PGAM5: variants seen among roughly 807,000 people sequenced by gnomAD.
PGAM5 encodes PGAM family member 5, mitochondrial serine/threonine protein phosphatase, also known as serine/threonine-protein phosphatase PGAM5, mitochondrial.
PGAM5 carries 25 observed loss-of-function variants against 30.6 expected under a neutral mutation model. That is an observed-to-expected ratio of 0.82 (90% CI 0.60 to 1.14). The LOEUF (loss-of-function observed/expected upper bound fraction) is 1.14, where lower values mean the gene tolerates loss of function less well. PGAM5 is among the 50% of genes most tolerant of loss of function. PGAM5 has a pLI of 0.00. For missense variants in PGAM5, 384 were observed against 408.5 expected (o/e 0.94, Z 0.52); for synonymous variants, 201 against 179.1 (o/e 1.12, Z -0.98).
At position 132,717,791 on chromosome 12, in the gene PGAM5, A is replaced by C. The variant is rs1190562850; in HGVS notation, c.578A>C (p.Glu193Ala). The change falls in exon 4 of 6, where the codon GAA becomes GCA. Residue 193 changes from glutamate (E) to alanine (A), a missense_variant. Transcript: ENST00000498926. ...PDPPVSHWKP[E>A]AVQYYEDGAR... is the part of the protein sequence containing the mutation. Reference sequence around the variant, plus strand: ...CCGCCCGTGTCTCATTGGAAGCCGGAAGCTGTGGTAAAAACCTCCCCGGGG... The same window carrying C: ...CCGCCCGTGTCTCATTGGAAGCCGGCAGCTGTGGTAAAAACCTCCCCGGGG... 1.3e-6 allele frequency: 2 copies of C among 1,585,332 alleles called. No homozygotes were observed. The highest frequency in any genetic ancestry group is 1.7e-6 in the Non-Finnish European group (2 of 1,166,006).
At chr12:132,718,825 T>C (rs372259758) in intron 5 of PGAM5, 1 of 1,613,484 alleles carries the variant, frequency 6.2e-7, no homozygotes, top group Non-Finnish European at 8.5e-7. Flanking sequence ...TTTCACTTGC[T>C]GATCTGTGGG....
chr12:132,717,386 G>A, intron 2 of PGAM5, 53 bp from the exon 3 acceptor site: 1 of 1,576,650 alleles, frequency 6.3e-7, no homozygotes, highest in Non-Finnish European at 8.6e-7. Flanking sequence ...GGGGGTGTTT[G>A]AGGGTGGAGG....
At chr12:132,718,977 C>G (rs2043616968) in intron 5 of PGAM5, 1 of 1,473,826 alleles carries the variant, frequency 6.8e-7, no homozygotes, top group African/African-American at 1.4e-5. Context: ...CCACTCTCAG[C>G]ACCACAGAAT....
intron 5 of PGAM5, chr12:132,718,917 C>T: frequency 1.3e-6 from 2 of 1,576,454 alleles, no homozygotes; most frequent in East Asian, 2.3e-5. Context: ...CACGTTGCTG[C>T]TCGGGCTGCT....
At chr12:132,720,185 T>C (rs560234359) in intron 5 of PGAM5, among the ~76,000 whole-genome samples, 2 of 151,016 alleles carry the variant, frequency 1.3e-5, no homozygotes, top group African/African-American at 4.9e-5. Context: ...TCGGCTGATG[T>C]GTACCCCGGC....
chr12:132,713,119 C>A (rs2043538298), intron 1 of PGAM5, among the ~76,000 whole-genome samples: 1 of 152,094 alleles, frequency 6.6e-6, no homozygotes, highest in Non-Finnish European at 1.5e-5. Context: ...CAGATCGTGC[C>A]ACTGCACTCC....
intron 5 of PGAM5, among the ~76,000 whole-genome samples, chr12:132,719,988 CTG>C (rs368279193): frequency 6.8e-4 from 103 of 152,292 alleles, no homozygotes; most frequent in African/African-American, 2.1e-3. Context: ...AGAAATTAAA[CTG>C]TGTTTCCTCG....
At chr12:132,717,687 CG>C in intron 3 of PGAM5, 22 bp from the exon 4 acceptor site, 1 of 1,564,058 alleles carries the variant, frequency 6.4e-7, no homozygotes, top group Non-Finnish European at 8.7e-7. Flanking sequence ...CCTCACCCAG[CG>C]CTTCGCTGTG....
At position 132,717,490 on chromosome 12, in the gene PGAM5, A is replaced by G; in HGVS notation, c.422A>G (p.Lys141Arg). ...CTCCGCCTGGCAAGCTTGGGGTTGAAGTTTAATAAAATCGTCCATTCGTCT... is the reference window on the plus strand; with the variant it reads ...CTCCGCCTGGCAAGCTTGGGGTTGAGGTTTAATAAAATCGTCCATTCGTCT... ...TGLRLASLGLKFNKIVHSSMT... is the reference protein window; with the variant it reads ...TGLRLASLGLRFNKIVHSSMT... Residue 141 changes from lysine to arginine, a missense_variant, in exon 3 of 6, where the codon AAG (lysine) becomes AGG (arginine). By Grantham distance (26) the Lys-to-Arg change is conservative. Coordinates refer to ENST00000498926, the MANE Select transcript of PGAM5 (RefSeq NM_001170543.2). The G allele has an allele frequency of 6.2e-7, 1 of 1,610,592 alleles. No homozygotes were observed. Among genetic ancestry groups the G allele is most frequent in the Non-Finnish European group, 8.5e-7 (1 of 1,179,912 alleles).
In PGAM5 at chr12:132,717,425, C is replaced by T. The variant is rs755504234; in HGVS notation, c.371-14C>T. 1 of 1,596,078 alleles carries T rather than the reference C, an allele frequency of 6.3e-7. No homozygotes were observed. On this transcript the variant is annotated splice_polypyrimidine_tract_variant and intron_variant, in intron 2 of 5. Coordinates refer to ENST00000498926, the MANE Select transcript of PGAM5 (RefSeq NM_001170543.2). ...GGGTGCAGGTGCGGCACTCAGGTGC[C>T]TTTCACCTTCCAGGTCGGGAGCAGG...
Position 132,714,967 on chromosome 12 carries a change from T to A in PGAM5, c.301T>A (p.Phe101Ile), listed in dbSNP as rs1235295132. The change falls in exon 2 of 6, where the codon TTC becomes ATC. Residue 101 changes from phenylalanine to isoleucine, a missense_variant. Transcript: ENST00000498926. The part of the protein sequence containing the change: ...HYKAKATRHI[F>I]LIRHSQYHVD... ...CAAAGCCAAGGCCACGCGGCACATC[T>A]TCCTCATCAGGCATTCCCAGTACCA... The A allele has an allele frequency of 6.2e-7, 1 of 1,613,394 alleles. No individual in the cohort carries two copies. The highest frequency in any genetic ancestry group is 1.1e-5 in the South Asian group (1 of 91,092).
At chr12:132,719,848 G>A (rs910747198) in intron 5 of PGAM5, among the ~76,000 whole-genome samples, 8 of 152,216 alleles carry the variant, frequency 5.3e-5, no homozygotes, top group African/African-American at 1.2e-4. Flanking sequence ...GAGCTTTTCC[G>A]CAAATGCGAA....
chr12:132,722,651 A>G lies in PGAM5; in HGVS notation c.*1823A>G, dbSNP rs1009628949. 1.3e-5 allele frequency: 2 copies of G among 152,228 alleles called. No homozygotes were observed. The highest frequency in any genetic ancestry group is 4.8e-5 in the African/African-American group (2 of 41,472). The allele number at this position is 152,228 out of a possible 1,614,324, so 9.4% of individuals were successfully genotyped here. A position where few individuals can be genotyped will look rare whatever the true frequency, so the allele number is the denominator to read the frequency against. ...GTGGTTGTGACTATTTTCTGTAGTC[A>G]ATACAGTTGGGATATCTGATCTATT... On this transcript the variant is annotated 3_prime_UTR_variant, in exon 6 of 6. Transcript: ENST00000498926.
At chr12:132,711,295 C>G in intron 1 of PGAM5, 1 of 293,008 alleles carries the variant, frequency 3.4e-6, no homozygotes, top group East Asian at 5.8e-5. Flanking sequence ...GTCGCGTCCT[C>G]GCCCTTCTCC....
intron 1 of PGAM5, among the ~76,000 whole-genome samples, chr12:132,712,578 T>A (rs949953919): frequency 1.3e-5 from 2 of 152,160 alleles, no homozygotes; most frequent in African/African-American, 2.4e-5. Context: ...TGCCTCAGCC[T>A]CCCGAGTAGC....
intron 5 of PGAM5, among the ~76,000 whole-genome samples, chr12:132,720,313 G>T (rs1174576171): frequency 1.4e-5 from 2 of 139,030 alleles, no homozygotes; most frequent in Non-Finnish European, 3.1e-5. Flanking sequence ...AGCCCAGCCC[G>T]TTTTTTTTTT....
intron 1 of PGAM5, among the ~76,000 whole-genome samples, chr12:132,714,232 A>G (rs143523703): frequency 3.5e-4 from 54 of 152,246 alleles, no homozygotes; most frequent in Middle Eastern, 3.4e-3. Flanking sequence ...TGGCCAGGCT[A>G]GTGTCGAACT....
At chr12:132,713,716 G>A (rs546133532) in intron 1 of PGAM5, among the ~76,000 whole-genome samples, 1 of 152,276 alleles carries the variant, frequency 6.6e-6, no homozygotes, top group African/African-American at 2.4e-5. Context: ...TGTTGCCCAG[G>A]CTGGAGTGCA....
intron 5 of PGAM5, chr12:132,719,036 A>C (rs2043617688): frequency 7.0e-7 from 1 of 1,429,336 alleles, no homozygotes; most frequent in South Asian, 1.5e-5. Context: ...GCAATCAGCC[A>C]CTTCTTTAAG....
Sources: gnomAD v4.1 joint callset for allele counts (sites outside exome capture counted in the v4.1 genomes callset) on GRCh38, gnomAD v4.1.1 for gene constraint, MANE v1.5 for transcripts, NCBI Gene and HGNC (gene_info 2026-07-23, HGNC 2026-07-21) for gene names.